The following ZNF737 variants were observed in gnomAD, a reference collection of about 807,000 sequenced individuals.
ZNF737 encodes zinc finger protein 737.
In ZNF737, 13 loss-of-function variants were observed where a neutral mutation model predicts 11.7. The ratio of observed to expected loss-of-function variants is 1.11; its 90% confidence interval spans 0.73 to 1.77. The LOEUF (loss-of-function observed/expected upper bound fraction) is 1.77, where lower values mean the gene tolerates loss of function less well. ZNF737 is among the 40% of genes most tolerant of loss of function. The pLI is 0.00. For synonymous variants in ZNF737, 217 were observed against 216.2 expected, an observed-to-expected ratio of 1.00 and a Z score of -0.03; for missense variants, 636 against 638.0, an observed-to-expected ratio of 1.00 and a Z score of 0.03.
chr19:20,539,288 T>TA lies in ZNF737; in HGVS notation c.*5303dup, dbSNP rs200426795. 78,517 of 697,054 alleles carry TA rather than the reference T, an allele frequency of 0.11. 1 individual carries two copies. Among genetic ancestry groups the TA allele is most frequent in the Non-Finnish European group, 0.13 (72,037 of 573,966 alleles). The allele number at this position is 697,054 out of a possible 1,614,324, so 43.2% of individuals were successfully genotyped here. A position where few individuals can be genotyped will look rare whatever the true frequency, so the allele number is the denominator to read the frequency against. On this transcript the variant is annotated 3_prime_UTR_variant, in exon 4 of 4. Coordinates refer to ENST00000427401, the MANE Select transcript of ZNF737 (RefSeq NM_001159293.2). ...GTGAGTGACAGAGTGAGAATCCTTC[T>TA]AAAAAAAAAAAAAAGAAATTCTTTC...
At chr19:20,554,987 C>T (rs533713608) in intron 1 of ZNF737, among the ~76,000 whole-genome samples, 8 of 111,508 alleles carry the variant, frequency 7.2e-5, no homozygotes, top group East Asian at 2.5e-4. Context: ...CTCAGCTTCC[C>T]GAGTAGCTGG....
intron 1 of ZNF737, among the ~76,000 whole-genome samples, chr19:20,562,753 C>A (rs1311581380): frequency 6.6e-6 from 1 of 152,094 alleles, no homozygotes; most frequent in Non-Finnish European, 1.5e-5. Context: ...CCACACTTAG[C>A]CTAAAATAAA....
At position 20,541,159 on chromosome 19, in the gene ZNF737, C is replaced by A. The variant is rs1399325943; in HGVS notation, c.*3433G>T. The stretch of plus-strand genomic sequence containing the variant: ...AAAGCAGAAAGTATAGATTTGCTTT[C>A]ACCATTTTAAAAGTGTTTAGTTTTG... On this transcript the variant is annotated 3_prime_UTR_variant, in exon 4 of 4. Transcript: ENST00000427401. The A allele has an allele frequency of 4.6e-5, 45 of 982,322 alleles. No homozygotes were observed. Among genetic ancestry groups the A allele is most frequent in the Non-Finnish European group, 5.3e-5 (44 of 827,272 alleles). The allele number at this position is 982,322 out of a possible 1,614,324, so 60.9% of individuals were successfully genotyped here.
In ZNF737 at chr19:20,552,776, G is replaced by A. The variant is rs1968731743; in HGVS notation, c.131-206C>T. Among the ~76,000 whole-genome samples the A allele has an allele frequency of 5.9e-5, 9 of 152,218 alleles. 1 individual carries two copies. The South Asian group carries it at 1.9e-3, about 32-fold the overall frequency. On this transcript the variant is annotated intron_variant, in intron 2 of 3. Transcript: ENST00000427401. ...CGCCTGTAATCCCAGCACTTTGGGA[G>A]GCCAAGGTGGGTGAATCACGAGGTC...
In ZNF737 at chr19:20,544,643, G is replaced by A. The variant is rs782774421; in HGVS notation, c.1560C>T (p.Cys520=). The change falls in exon 4 of 4, where the codon TGC becomes TGT. Residue 520 remains cysteine, a synonymous_variant. Coordinates refer to ENST00000427401, the MANE Select transcript of ZNF737 (RefSeq NM_001159293.2). ...KCEECGKGFK[C]PSTLTTHKVI... ...CCTTATGTGTAGTAAGGGTAGAGGG[G>A]CACTTAAAGCCTTTGCCACATTCTT... The A allele has an allele frequency of 3.1e-6, 5 of 1,601,004 alleles. No homozygotes were observed. The South Asian group carries it at 4.5e-5, about 14-fold the overall frequency.
chr19:20,555,092 AC>A (rs1555760393), intron 1 of ZNF737, among the ~76,000 whole-genome samples: 1 of 151,940 alleles, frequency 6.6e-6, no homozygotes, highest in Non-Finnish European at 1.5e-5. Context: ...CGATCTCCTG[AC>A]CTCAGGTGAT....
downstream of ZNF737, among the ~76,000 whole-genome samples, chr19:20,537,356 A>C (rs1218574997): frequency 2.0e-5 from 3 of 151,502 alleles, no homozygotes; most frequent in East Asian, 5.9e-4. Context: ...ACCTGCAACC[A>C]CACCTGGCTA....
chr19:20,552,183 C>T (rs374869701), intron 3 of ZNF737, among the ~76,000 whole-genome samples: 1 of 151,984 alleles, frequency 6.6e-6, no homozygotes, highest in Non-Finnish European at 1.5e-5. Context: ...GAAAAAGCAG[C>T]CAGACTGTGC....
Position 20,542,526 on chromosome 19 carries a change from C to A in ZNF737, c.*2066G>T, listed in dbSNP as rs1208271007. 5 of 981,200 alleles carry A rather than the reference C, an allele frequency of 5.1e-6. No individual in the cohort carries two copies. The highest frequency in any genetic ancestry group is 1.1e-4 in the East Asian group (1 of 8,792). The allele number at this position is 981,200 out of a possible 1,614,324, so 60.8% of individuals were successfully genotyped here. A position where few individuals can be genotyped will look rare whatever the true frequency, so the allele number is the denominator to read the frequency against. ...AAATTACAGGCATGAGCCATCAAGC[C>A]CGGCCCTAACAGTTTTAAAATGCAC... On this transcript the variant is annotated 3_prime_UTR_variant, in exon 4 of 4. Coordinates refer to ENST00000427401, the MANE Select transcript of ZNF737 (RefSeq NM_001159293.2).
At position 20,539,939 on chromosome 19, in the gene ZNF737, A is replaced by G; in HGVS notation, c.*4653T>C. On this transcript the variant is annotated 3_prime_UTR_variant, in exon 4 of 4. Coordinates refer to ENST00000427401, the MANE Select transcript of ZNF737 (RefSeq NM_001159293.2). ...TAAATACTGTTCCATAATGCCAGTG[A>G]GCACTTTTACCCAGGTTACCTTTTT... is the stretch of plus-strand genomic sequence containing the variant. The G allele has an allele frequency of 5.1e-6, 5 of 984,678 alleles. No individual in the cohort carries two copies. The highest frequency in any genetic ancestry group is 6.0e-6 in the Non-Finnish European group (5 of 829,534). 61.0% of individuals were successfully genotyped at this position (984,678 alleles called of 1,614,324 possible).
At chr19:20,531,532 C>T (rs1967829129), downstream of ZNF737, among the ~76,000 whole-genome samples, 2 of 149,818 alleles carry the variant, frequency 1.3e-5, no homozygotes, top group Admixed American at 1.3e-4. Context: ...TCTTAGCTCA[C>T]TGAAACCTCG....
rs1479869584 is a variant in ZNF737 at position 20,539,275 on chromosome 19, G to A, written c.*5317C>T. 1.0e-6 allele frequency: 1 copy of A among 964,880 alleles called. No homozygotes were observed. Among genetic ancestry groups the A allele is most frequent in the Non-Finnish European group, 1.2e-6 (1 of 812,134 alleles). 59.8% of individuals were successfully genotyped at this position (964,880 alleles called of 1,614,324 possible). On this transcript the variant is annotated 3_prime_UTR_variant, in exon 4 of 4. Coordinates refer to ENST00000427401, the MANE Select transcript of ZNF737 (RefSeq NM_001159293.2). The stretch of plus-strand genomic sequence containing the variant: ...ATTGCAGTGCAGCGTGAGTGACAGA[G>A]TGAGAATCCTTCTAAAAAAAAAAAA...
chr19:20,558,584 T>G (rs1244477057), intron 1 of ZNF737, among the ~76,000 whole-genome samples: 1 of 152,058 alleles, frequency 6.6e-6, no homozygotes, highest in Non-Finnish European at 1.5e-5. Flanking sequence ...TTCTTTACCA[T>G]CCAAGTACTA....
At chr19:20,547,046 A>T (rs1428987) in intron 3 of ZNF737, among the ~76,000 whole-genome samples, 9,904 of 152,202 alleles carry the variant, frequency 0.065, 404 homozygotes, top group African/African-American at 0.11. Context: ...GGGGCAAAAA[A>T]TTTTATTTTT....
chr19:20,565,689 T>C lies in ZNF737; in HGVS notation c.-49A>G, dbSNP rs1969273330. 1 of 1,613,492 alleles carries C rather than the reference T, an allele frequency of 6.2e-7. No individual in the cohort carries two copies. The highest frequency in any genetic ancestry group is 1.7e-5 in the Admixed American group (1 of 59,986). ...GGCGTCTTAGCTGTGGATCTCCCAA[T>C]ACCTGCAGGACACAGGGCCACAGAG... On this transcript the variant is annotated 5_prime_UTR_variant, in exon 1 of 4. Transcript: ENST00000427401.
rs976708619 is a variant in ZNF737 at position 20,538,078 on chromosome 19, A to C, written c.*6514T>G. ...ACTCTGAACACAGCATTCTCAGTTC[A>C]CAGTGTAAAAAGTGAAGTAGAGGTT... On this transcript the variant is annotated 3_prime_UTR_variant, in exon 4 of 4. Coordinates refer to ENST00000427401, the MANE Select transcript of ZNF737 (RefSeq NM_001159293.2). The C allele has an allele frequency of 1.1e-4, 107 of 981,770 alleles. 6 individuals carry two copies. The highest frequency in any genetic ancestry group is 3.7e-5 in the Non-Finnish European group (31 of 826,758). The allele number at this position is 981,770 out of a possible 1,614,324, so 60.8% of individuals were successfully genotyped here.
chr19:20,543,807 A>T lies in ZNF737; in HGVS notation c.*785T>A. 5 of 985,454 alleles carry T rather than the reference A, an allele frequency of 5.1e-6. No individual in the cohort carries two copies. Among genetic ancestry groups the T allele is most frequent in the Non-Finnish European group, 6.0e-6 (5 of 829,944 alleles). 61.0% of individuals were successfully genotyped at this position (985,454 alleles called of 1,614,324 possible). The stretch of plus-strand genomic sequence containing the variant: ...TAGCTTTGCGGATTTCCTCTTCAAC[A>T]TGAATTATTGCCATGCCTCTTAAGA... On this transcript the variant is annotated 3_prime_UTR_variant, in exon 4 of 4. Coordinates refer to ENST00000427401, the MANE Select transcript of ZNF737 (RefSeq NM_001159293.2).
chr19:20,565,299 A>C (rs1307461399), intron 1 of ZNF737, among the ~76,000 whole-genome samples: 1 of 152,124 alleles, frequency 6.6e-6, no homozygotes, highest in Non-Finnish European at 1.5e-5. Flanking sequence ...CTTCCCATTC[A>C]TGAACCTGCA....
chr19:20,565,673 G>A lies in ZNF737; in HGVS notation c.-33C>T. The A allele has an allele frequency of 6.2e-7, 1 of 1,614,146 alleles. No homozygotes were observed. The highest frequency in any genetic ancestry group is 8.5e-7 in the Non-Finnish European group (1 of 1,180,040). On this transcript the variant is annotated 5_prime_UTR_variant, in exon 1 of 4. Coordinates refer to ENST00000427401, the MANE Select transcript of ZNF737 (RefSeq NM_001159293.2). ...CTTCCAGGGGCTCCCGGGCGTCTTA[G>A]CTGTGGATCTCCCAATACCTGCAGG... is the stretch of plus-strand genomic sequence containing the variant.
Sources: allele counts gnomAD v4.1 joint callset (sites outside exome capture counted in the v4.1 genomes callset), GRCh38; gene constraint gnomAD v4.1.1; transcripts MANE v1.5; gene names NCBI Gene and HGNC (gene_info 2026-07-23, HGNC 2026-07-21).